The following PRDM16 variants were observed in gnomAD, a reference collection of about 807,000 sequenced individuals.
PRDM16 encodes the protein PR/SET domain 16, also known as histone-lysine N-methyltransferase PRDM16.
In PRDM16, 23 loss-of-function variants were observed where a neutral mutation model predicts 110.6. That is an observed-to-expected ratio of 0.21 (90% confidence interval 0.15 to 0.29). The LOEUF (loss-of-function observed/expected upper bound fraction) is 0.29, where lower values mean the gene tolerates loss of function less well. PRDM16 is among the 10% of genes least tolerant of loss of function. The pLI is 1.00. For missense variants in PRDM16, 1,615 were observed against 1,794.3 expected (o/e 0.90, Z 1.81); for synonymous variants, 799 against 781.8 (o/e 1.02, Z -0.37).
chr1:3,369,610 G>A (rs929857712), intron 3 of PRDM16, among the ~76,000 whole-genome samples: 14 of 152,248 alleles, frequency 9.2e-5, no homozygotes, highest in Non-Finnish European at 1.3e-4. Flanking sequence ...GACTGTGGCT[G>A]AGCTCCAGGC....
intron 4 of PRDM16, 89 bp downstream of exon 4, chr1:3,385,375 G>A: frequency 7.0e-7 from 1 of 1,435,846 alleles, no homozygotes; most frequent in African/African-American, 1.4e-5. Context: ...CCGAGGCAAG[G>A]GTTGTCTGAG....
intron 1 of PRDM16, among the ~76,000 whole-genome samples, chr1:3,181,114 C>A (rs377611976): frequency 2.6e-5 from 2 of 76,518 alleles, no homozygotes. Context: ...TTACACGCGG[C>A]CTTACACACG....
intron 2 of PRDM16, among the ~76,000 whole-genome samples, chr1:3,238,872 GCTC>G (rs764977298): frequency 5.3e-5 from 8 of 152,240 alleles, no homozygotes; most frequent in Non-Finnish European, 5.9e-5. Flanking sequence ...GCCCTGAGCA[GCTC>G]CTCGACATCT....
chr1:3,269,314 A>C (rs1412804093), intron 3 of PRDM16, among the ~76,000 whole-genome samples: 1 of 151,884 alleles, frequency 6.6e-6, no homozygotes, highest in Non-Finnish European at 1.5e-5. Context: ...TCAGGAGGAC[A>C]GTCCCAGAGG....
Position 3,425,813 on chromosome 1 carries a change from A to AG in PRDM16, c.3109+68dup. On this transcript the variant is annotated intron_variant, in intron 13 of 16. Transcript: ENST00000270722. This position sits in a 1 kb window ranked among gnomAD's most constrained non-coding sequence, Gnocchi z 6.9. ...ACACGGGCAGGCCCCACAGAGGGGG[A>AG]GGGGGAACAGCAGGGGAGTGGGCGC... The AG allele has an allele frequency of 3.2e-6, 5 of 1,584,518 alleles. No homozygotes were observed. The highest frequency in any genetic ancestry group is 4.3e-6 in the Non-Finnish European group (5 of 1,159,176).
intron 3 of PRDM16, among the ~76,000 whole-genome samples, chr1:3,267,477 A>G (rs150313431): frequency 6.6e-6 from 1 of 152,292 alleles, no homozygotes; most frequent in East Asian, 1.9e-4. Flanking sequence ...TGCTCTGGGT[A>G]CGTGTGTACA....
At chr1:3,248,367 C>G (rs561275730) in intron 3 of PRDM16, among the ~76,000 whole-genome samples, 2 of 152,236 alleles carry the variant, frequency 1.3e-5, no homozygotes, top group East Asian at 1.9e-4. Flanking sequence ...TAATACAGAA[C>G]GGGAAAACAC....
intron 3 of PRDM16, among the ~76,000 whole-genome samples, chr1:3,279,160 A>G (rs1442203320): frequency 6.6e-6 from 1 of 152,244 alleles, no homozygotes; most frequent in African/African-American, 2.4e-5. Flanking sequence ...GTTGGTCATC[A>G]GGAGCCTCGA....
At chr1:3,141,707 T>C (rs1231951993) in intron 1 of PRDM16, among the ~76,000 whole-genome samples, 2 of 152,366 alleles carry the variant, frequency 1.3e-5, no homozygotes, top group Non-Finnish European at 2.9e-5. Context: ...AATGGCCTTC[T>C]TCTGTTGTGC....
intron 3 of PRDM16, among the ~76,000 whole-genome samples, chr1:3,303,701 C>T (rs1292423511): frequency 6.6e-6 from 1 of 152,244 alleles, no homozygotes; most frequent in Non-Finnish European, 1.5e-5. Context: ...GTCCTAACTT[C>T]CCCACATCCT....
At chr1:3,101,060 G>C (rs1017739505) in intron 1 of PRDM16, among the ~76,000 whole-genome samples, 3 of 152,168 alleles carry the variant, frequency 2.0e-5, no homozygotes, top group African/African-American at 7.2e-5. Context: ...AGTGGATGCT[G>C]CTGGGCCCCA....
At position 3,405,528 on chromosome 1, in the gene PRDM16, A is replaced by G. The variant is rs768571449; in HGVS notation, c.1066A>G (p.Ile356Val). 1 of 1,602,326 alleles carries G rather than the reference A, an allele frequency of 6.2e-7. No homozygotes were observed. The highest frequency in any genetic ancestry group is 1.7e-5 in the Admixed American group (1 of 58,468). Residue 356 changes from isoleucine to valine, a missense_variant, in exon 8 of 17, where the codon ATC (isoleucine) becomes GTC (valine). Around this residue, in one of 5 missense-constraint regions of PRDM16, gnomAD observed 82 missense variants for 144.4 expected, o/e 0.57. Coordinates refer to ENST00000270722, the MANE Select transcript of PRDM16 (RefSeq NM_022114.4). ...FTDPSNLQRH[I>V]RSQHVGARAH... is the part of the protein sequence containing the mutation. ...GGACCCCAGCAACCTTCAGCGGCAC[A>G]TCCGCTCGCAGCACGTGGGCGCTCG... is the stretch of plus-strand genomic sequence containing the variant.
At chr1:3,275,097 G>A (rs948432052) in intron 3 of PRDM16, among the ~76,000 whole-genome samples, 2 of 152,246 alleles carry the variant, frequency 1.3e-5, no homozygotes, top group African/African-American at 4.8e-5. Flanking sequence ...CATTCTGGAC[G>A]CTTAGGTGAA....
chr1:3,311,376 A>G (rs969194331), intron 3 of PRDM16, among the ~76,000 whole-genome samples: 3 of 152,126 alleles, frequency 2.0e-5, no homozygotes, highest in African/African-American at 7.2e-5. Flanking sequence ...ATTTCTTCCC[A>G]AAGTGCCTGG....
intron 3 of PRDM16, among the ~76,000 whole-genome samples, chr1:3,355,568 G>A (rs141260165): frequency 2.0e-5 from 3 of 152,228 alleles, no homozygotes; most frequent in Non-Finnish European, 4.4e-5. Flanking sequence ...ACAGCCAGGC[G>A]TGCCCAAGAA....
chr1:3,147,231 G>C (rs1201250764), intron 1 of PRDM16, among the ~76,000 whole-genome samples: 1 of 152,060 alleles, frequency 6.6e-6, no homozygotes, highest in South Asian at 2.1e-4. Context: ...GTGCACACGT[G>C]TGCATTCACT....
intron 3 of PRDM16, among the ~76,000 whole-genome samples, chr1:3,315,055 C>T (rs958107926): frequency 6.6e-6 from 1 of 151,432 alleles, no homozygotes; most frequent in African/African-American, 2.4e-5. Context: ...GGGAAAGCCC[C>T]GCTCCTCGAA....
chr1:3,144,934 G>A (rs1260217789), intron 1 of PRDM16, among the ~76,000 whole-genome samples: 2 of 152,174 alleles, frequency 1.3e-5, no homozygotes, highest in Non-Finnish European at 2.9e-5. Context: ...CCACCTCCCA[G>A]TGAACCCCCA....
In PRDM16 at chr1:3,213,546, G is replaced by A. The variant is rs946601425; in HGVS notation, c.387+27072G>A. Reference sequence around the variant, plus strand: ...GGGGGTTGCTAGAGAGTCCTTTGTCGCCTCCCTGGGGGCACAGACACCTGG... The same window carrying A: ...GGGGGTTGCTAGAGAGTCCTTTGTCACCTCCCTGGGGGCACAGACACCTGG... On this transcript the variant is annotated intron_variant, in intron 2 of 16. Transcript: ENST00000270722. This position sits in a 1 kb window ranked among gnomAD's most constrained non-coding sequence, Gnocchi z 5.3. Among the ~76,000 whole-genome samples the A allele has an allele frequency of 1.3e-5, 2 of 152,134 alleles. No homozygotes were observed. The highest frequency in any genetic ancestry group is 2.4e-5 in the African/African-American group (1 of 41,418).
Sources: gnomAD v4.1 joint callset for allele counts (sites outside exome capture counted in the v4.1 genomes callset) on GRCh38, gnomAD v4.1.1 for gene constraint, gnomAD v4.1.1 regional missense constraint, Gnocchi (gnomAD v3.1) non-coding constraint, MANE v1.5 for transcripts, NCBI Gene and HGNC (gene_info 2026-07-23, HGNC 2026-07-21) for gene names.